The following CAPRIN2 variants were observed in gnomAD, a reference collection of about 807,000 sequenced individuals.
CAPRIN2 encodes the protein caprin family member 2.
CAPRIN2 carries 66 observed loss-of-function variants against 130.4 expected under a neutral mutation model. That is an observed-to-expected ratio of 0.51 (90% CI 0.42 to 0.62). The LOEUF is 0.62. CAPRIN2 is among the 20% of genes least tolerant of loss of function. The pLI is 0.00. For synonymous variants in CAPRIN2, 471 were observed against 444.1 expected (o/e 1.06, Z -0.76); for missense variants, 1,185 against 1,246.6 (o/e 0.95, Z 0.74).
rs1393719240 is a variant in CAPRIN2, at chr12:30,741,118, G to A, written c.484-12C>T. 2 of 1,519,700 alleles carry A rather than the reference G, an allele frequency of 1.3e-6. No homozygotes were observed. Among genetic ancestry groups the A allele is most frequent in the East Asian group, 4.6e-5 (2 of 43,882 alleles). The allele number at this position is 1,519,700 out of a possible 1,614,324, so 94.1% of individuals were successfully genotyped here. ...TTCTCTACAGCTTCCTACCAAATAG[G>A]ATAAGAAAACATAAATTTTGTGACT... On this transcript the variant is annotated splice_polypyrimidine_tract_variant and intron_variant, in intron 2 of 16. Transcript: ENST00000298892.
intron 2 of CAPRIN2, among the ~76,000 whole-genome samples, chr12:30,745,778 G>C (rs1463979379): frequency 6.6e-6 from 1 of 151,870 alleles, no homozygotes; most frequent in Non-Finnish European, 1.5e-5. Context: ...GATTTTGGGT[G>C]GGGGGGTGGA....
intron 12 of CAPRIN2, chr12:30,719,113 GTTACTGAACTACTAC>G (rs2058570526): frequency 6.2e-7 from 1 of 1,613,982 alleles, no homozygotes; most frequent in African/African-American, 1.3e-5. Context: ...TGTGTTAATG[GTTACTGAACTACTAC>G]TTGCTGGAGG....
Position 30,710,462 on chromosome 12 carries a change from T to A in CAPRIN2, c.2674A>T (p.Ser892Cys). 2.5e-6 allele frequency: 4 copies of A among 1,614,022 alleles called. No individual in the cohort carries two copies. The South Asian group carries it at 4.4e-5, about 18-fold the overall frequency. ...GGGCTGCTCACCTGAGAAGAATCACTCCACCCTGCTGTTTTATTAGCAACA... is the reference window on the plus strand; with the variant it reads ...GGGCTGCTCACCTGAGAAGAATCACACCACCCTGCTGTTTTATTAGCAACA... Residue 892 changes from serine to cysteine, a missense_variant, in exon 17 of 17, where the codon AGT becomes TGT. Coordinates refer to ENST00000298892, the Ensembl canonical transcript of CAPRIN2. The surrounding 1 kb of genome is among the most constrained non-coding windows in gnomAD (Gnocchi z 4.8).
intron 2 of CAPRIN2, among the ~76,000 whole-genome samples, chr12:30,748,158 A>G (rs1380256454): frequency 6.6e-6 from 1 of 152,252 alleles, no homozygotes; most frequent in African/African-American, 2.4e-5. Context: ...ATAAAGCAGC[A>G]GCAGGGTTCC....
At chr12:30,734,837 C>T (rs1478948473) in intron 4 of CAPRIN2, 131 bp downstream of exon 5, 5 of 685,914 alleles carry the variant, frequency 7.3e-6, no homozygotes, top group African/African-American at 5.7e-5. Context: ...TAAGTTCTCT[C>T]TCCCCCTCTC....
chr12:30,729,040 T>C (rs2061772136), exon 8 of CAPRIN2: 1 of 1,614,086 alleles, frequency 6.2e-7, no homozygotes, highest in African/African-American at 1.3e-5. Context: ...GGCTTGGATT[T>C]GGAGATCTCC....
chr12:30,728,178 A>C (rs1258092916), intron 8 of CAPRIN2, among the ~76,000 whole-genome samples: 1 of 152,208 alleles, frequency 6.6e-6, no homozygotes, highest in Non-Finnish European at 1.5e-5. Context: ...AGACTAGATT[A>C]ACTCCCAGTT....
chr12:30,729,392 C>T, intron 7 of CAPRIN2, 67 bp from the exon 9 acceptor site: 4 of 1,124,722 alleles, frequency 3.6e-6, no homozygotes, highest in Non-Finnish European at 5.1e-6. Context: ...ATATTCAACT[C>T]TATTAGTATT....
intron 3 of CAPRIN2, 52 bp downstream of exon 4, chr12:30,740,968 C>T: frequency 9.3e-7 from 1 of 1,070,290 alleles, no homozygotes; most frequent in East Asian, 2.4e-5. Flanking sequence ...ACATTTTCTC[C>T]AAGATCAGTG....
At chr12:30,715,021 C>T (rs767177316) in exon 14 of CAPRIN2, 19 of 1,613,976 alleles carry the variant, frequency 1.2e-5, no homozygotes, top group Non-Finnish European at 1.5e-5. Flanking sequence ...AGTACATCCT[C>T]TAACAGATCC....
rs117158103 is a variant in CAPRIN2 at position 30,740,154 on chromosome 12, A to G, written c.570+866T>C. Among the ~76,000 whole-genome samples, 545 of 152,254 alleles carry G rather than the reference A, an allele frequency of 3.6e-3. 4 individuals are homozygous for G. The highest frequency in any genetic ancestry group is 0.014 in the East Asian group (74 of 5,178). ...GGCGACTGCTCACACCTGTAATCCC[A>G]GCATTTTGGGAGGCCAAGGCAGGAA... On this transcript the variant is annotated intron_variant, in intron 3 of 16. Coordinates refer to ENST00000298892, the Ensembl canonical transcript of CAPRIN2.
At chr12:30,727,594 ATAAG>A (rs1251706417) in intron 8 of CAPRIN2, among the ~76,000 whole-genome samples, 1 of 152,198 alleles carries the variant, frequency 6.6e-6, no homozygotes, top group Non-Finnish European at 1.5e-5. Flanking sequence ...ATAGTAGTAA[ATAAG>A]TAATTTACAA....
At chr12:30,747,936 G>C (rs1441244301) in intron 2 of CAPRIN2, among the ~76,000 whole-genome samples, 1 of 152,196 alleles carries the variant, frequency 6.6e-6, no homozygotes, top group Admixed American at 6.5e-5. Flanking sequence ...AGTAACTGCA[G>C]ATGTGGTGAA....
exon 11 of CAPRIN2, chr12:30,723,261 G>C (rs753447503): frequency 6.2e-7 from 1 of 1,608,428 alleles, no homozygotes; most frequent in Admixed American, 1.7e-5. Context: ...AAAGTTACCT[G>C]TAACGGCTCT....
chr12:30,719,714 C>A (rs1481587755), intron 12 of CAPRIN2: 4 of 152,248 alleles, frequency 2.6e-5, no homozygotes, highest in Non-Finnish European at 5.9e-5. Flanking sequence ...AAGGAAGCCA[C>A]AAGTTCTTGA....
At chr12:30,744,053 G>A (rs942416077) in intron 2 of CAPRIN2, among the ~76,000 whole-genome samples, 6 of 152,220 alleles carry the variant, frequency 3.9e-5, no homozygotes, top group Admixed American at 1.3e-4. Context: ...GTGGTCCCAC[G>A]TTTAATAAAT....
chr12:30,712,089 T>TA (rs1272648952), intron 15 of CAPRIN2, among the ~76,000 whole-genome samples: 1 of 152,036 alleles, frequency 6.6e-6, no homozygotes, highest in African/African-American at 2.4e-5. Flanking sequence ...AAGAAATTGA[T>TA]AAAAAATTAT....
intron 15 of CAPRIN2, among the ~76,000 whole-genome samples, chr12:30,712,159 C>A (rs1459452043): frequency 6.6e-6 from 1 of 151,722 alleles, no homozygotes; most frequent in Non-Finnish European, 1.5e-5. Flanking sequence ...AAAAATGTTC[C>A]AGGGGCAGTA....
At chr12:30,725,772 A>G (rs561571612) in intron 9 of CAPRIN2, among the ~76,000 whole-genome samples, 194 bp downstream of exon 10, 28 of 152,266 alleles carry the variant, frequency 1.8e-4, no homozygotes, top group African/African-American at 6.3e-4. Flanking sequence ...AGAAAGTAGG[A>G]ACAATAATCC....
Sources: allele counts gnomAD v4.1 joint callset (sites outside exome capture counted in the v4.1 genomes callset), GRCh38; gene constraint gnomAD v4.1.1; non-coding constraint Gnocchi (gnomAD v3.1); transcripts MANE v1.5; gene names NCBI Gene and HGNC (gene_info 2026-07-23, HGNC 2026-07-21).